LARS2: variants seen among roughly 807,000 people sequenced by gnomAD.
The protein encoded by LARS2 is leucine--tRNA ligase, mitochondrial.
LARS2 carries 81 observed loss-of-function variants against 116.6 expected under a neutral mutation model. The ratio of observed to expected loss-of-function variants is 0.69; its 90% CI spans 0.58 to 0.84. The LOEUF (loss-of-function observed/expected upper bound fraction) is 0.84. Ranked by LOEUF, LARS2 falls within the 40% of genes least tolerant of loss-of-function variation. The probability of loss-of-function intolerance (pLI) is 0.00; values close to 1 mark genes in which losing one functional copy is unlikely to be tolerated. For missense variants in LARS2, 968 were observed against 1,114.5 expected, an observed-to-expected ratio of 0.87 and a Z score of 1.87; for synonymous variants, 396 against 407.2, an observed-to-expected ratio of 0.97 and a Z score of 0.33.
At chr3:45,402,810 A>G (rs1698174640) in intron 4 of LARS2, among the ~76,000 whole-genome samples, 1 of 152,100 alleles carries the variant, frequency 6.6e-6, no homozygotes, top group Non-Finnish European at 1.5e-5. Context: ...TGTTTATTAG[A>G]AAGAGGTGGG....
chr3:45,478,284 T>G (rs909051492), intron 10 of LARS2, among the ~76,000 whole-genome samples: 35 of 152,238 alleles, frequency 2.3e-4, no homozygotes, highest in African/African-American at 8.2e-4. Context: ...TTGATATTCC[T>G]TGAGGGCTAT....
intron 20 of LARS2, among the ~76,000 whole-genome samples, chr3:45,534,743 G>A (rs751629448): frequency 2.2e-4 from 34 of 152,326 alleles, no homozygotes; most frequent in Admixed American, 4.6e-4. Context: ...TAGAGACGCC[G>A]AAAGTACTTA....
intron 10 of LARS2, among the ~76,000 whole-genome samples, chr3:45,480,986 T>C (rs868201905): frequency 5.9e-5 from 9 of 152,264 alleles, no homozygotes; most frequent in Middle Eastern, 3.4e-3. Context: ...CCACAGTCAA[T>C]TTTAGAACAT....
chr3:45,441,891 A>G (rs1478750120), intron 6 of LARS2, among the ~76,000 whole-genome samples: 1 of 152,176 alleles, frequency 6.6e-6, no homozygotes, highest in Non-Finnish European at 1.5e-5. Context: ...TGTGCAAAAT[A>G]TTTTTAATGC....
chr3:45,423,915 G>C (rs1459741040), intron 6 of LARS2, among the ~76,000 whole-genome samples: 1 of 152,086 alleles, frequency 6.6e-6, no homozygotes, highest in Non-Finnish European at 1.5e-5. Flanking sequence ...TCTTATCTCT[G>C]TAGTAGACCT....
chr3:45,422,243 T>A (rs1698525769), intron 6 of LARS2: 1 of 152,212 alleles, frequency 6.6e-6, no homozygotes, highest in South Asian at 2.1e-4. Flanking sequence ...TAATGAATGT[T>A]TGAATTTGAA....
chr3:45,537,253 T>A (rs1237664114), intron 20 of LARS2, among the ~76,000 whole-genome samples: 2 of 152,218 alleles, frequency 1.3e-5, no homozygotes, highest in African/African-American at 4.8e-5. Context: ...GAGAGCACAG[T>A]GAGAGAGCCT....
chr3:45,542,393 T>G lies in LARS2; in HGVS notation c.2532+437T>G, dbSNP rs1030081778. Among the ~76,000 whole-genome samples, 3 of 152,300 alleles carry G rather than the reference T, an allele frequency of 2.0e-5. No individual in the cohort carries two copies. The East Asian group carries it at 5.8e-4, about 29-fold the overall frequency. ...AACATATTTCAGAAAGGCTCCATAA[T>G]TTTTACTTGAAAATTAGGTGATTTT... On this transcript the variant is annotated intron_variant, in intron 21 of 21. Coordinates refer to ENST00000645846, the MANE Select transcript of LARS2 (RefSeq NM_015340.4).
rs558939021 is a variant in LARS2, at chr3:45,469,818, C to T, written c.751-4425C>T. On this transcript the variant is annotated intron_variant, in intron 8 of 21. Coordinates refer to ENST00000645846, the MANE Select transcript of LARS2 (RefSeq NM_015340.4). ...TAGAACTTAATTATATATTGTGCCT[C>T]CCCCCCCACCAAAAAAAGAAATTTT... Among the ~76,000 whole-genome samples the T allele has an allele frequency of 4.7e-5, 7 of 147,744 alleles. No individual in the cohort carries two copies. In the South Asian group the frequency reaches 1.2e-3, roughly 26 times the overall value.
intron 4 of LARS2, among the ~76,000 whole-genome samples, chr3:45,405,909 T>C (rs1698225827): frequency 6.6e-6 from 1 of 152,116 alleles, no homozygotes; most frequent in Admixed American, 6.6e-5. Flanking sequence ...TCTTAAATCT[T>C]CCACTTGGAC....
chr3:45,446,286 C>A (rs1296727069), intron 6 of LARS2, among the ~76,000 whole-genome samples: 1 of 152,054 alleles, frequency 6.6e-6, no homozygotes. Context: ...ATTTGGGGAA[C>A]CTTTGATTTA....
chr3:45,409,754 G>C (rs1698297810), intron 4 of LARS2, among the ~76,000 whole-genome samples: 1 of 152,104 alleles, frequency 6.6e-6, no homozygotes, highest in Non-Finnish European at 1.5e-5. Flanking sequence ...CCAGTGCTCT[G>C]GCTCATGGTG....
chr3:45,456,402 G>A (rs1699213933), intron 7 of LARS2, among the ~76,000 whole-genome samples: 1 of 152,190 alleles, frequency 6.6e-6, no homozygotes, highest in East Asian at 1.9e-4. Flanking sequence ...GGCCAACACG[G>A]TGAAACCCTG....
intron 8 of LARS2, among the ~76,000 whole-genome samples, chr3:45,463,547 C>T (rs572060738): frequency 7.9e-5 from 12 of 152,218 alleles, no homozygotes; most frequent in Admixed American, 7.2e-4. Context: ...CTCCTCTTAT[C>T]TTCATTTTAC....
At chr3:45,448,783 G>GT (rs934299242) in intron 7 of LARS2, among the ~76,000 whole-genome samples, 2 of 152,226 alleles carry the variant, frequency 1.3e-5, no homozygotes, top group Non-Finnish European at 2.9e-5. Context: ...CCTTTAAGTG[G>GT]TTTTCCCCCC....
chr3:45,407,837 T>C (rs1020519403), intron 4 of LARS2, among the ~76,000 whole-genome samples: 1 of 152,230 alleles, frequency 6.6e-6, no homozygotes, highest in Non-Finnish European at 1.5e-5. Context: ...CCCTCTCTAC[T>C]GGGAAGGCAG....
At position 45,499,536 on chromosome 3, in the gene LARS2, C is replaced by T. The variant is rs73072123; in HGVS notation, c.1623-906C>T. Among the ~76,000 whole-genome samples the T allele has an allele frequency of 7.0e-3, 1,059 of 152,096 alleles. 9 individuals are homozygous for T. The highest frequency in any genetic ancestry group is 0.013 in the Admixed American group (205 of 15,286). ...ACTTGGGAGGTTGAGGCTGGAAGAT[C>T]GCTTGAGCCCAGGAGTTGGAGGCTG... is the stretch of plus-strand genomic sequence containing the variant. On this transcript the variant is annotated intron_variant, in intron 14 of 21. Coordinates refer to ENST00000645846, the MANE Select transcript of LARS2 (RefSeq NM_015340.4).
chr3:45,511,355 C>T (rs968051986), intron 15 of LARS2, among the ~76,000 whole-genome samples: 1 of 152,080 alleles, frequency 6.6e-6, no homozygotes, highest in Non-Finnish European at 1.5e-5. Flanking sequence ...TGGCTACAAG[C>T]GGGTTAGAAA....
chr3:45,394,413 C>A lies in LARS2; in HGVS notation c.-21-20C>A. 1.4e-6 allele frequency: 2 copies of A among 1,465,410 alleles called. No individual in the cohort carries two copies. The highest frequency in any genetic ancestry group is 1.9e-6 in the Non-Finnish European group (2 of 1,046,708). 90.8% of individuals were successfully genotyped at this position (1,465,410 alleles called of 1,614,324 possible). ...AGGGTTTGAGGCAGCTCATAGTGTG[C>A]TTTCTGCCCTCTTTTTCAGGGCCTT... On this transcript the variant is annotated intron_variant, in intron 2 of 21. Coordinates refer to ENST00000645846, the MANE Select transcript of LARS2 (RefSeq NM_015340.4).
Sources: gnomAD v4.1 joint callset for allele counts (sites outside exome capture counted in the v4.1 genomes callset) on GRCh38, gnomAD v4.1.1 for gene constraint, MANE v1.5 for transcripts, NCBI Gene and HGNC (gene_info 2026-07-23, HGNC 2026-07-21) for gene names.